Variants in L3MBTL3 observed in about 807,000 individuals in gnomAD.
L3MBTL3 encodes the protein lethal(3)malignant brain tumor-like protein 3.
A neutral mutation model predicts 102.3 loss-of-function variants in L3MBTL3; 27 were observed. That is an observed-to-expected ratio of 0.26 (90% CI 0.19 to 0.36). The LOEUF (loss-of-function observed/expected upper bound fraction) is 0.36, where lower values mean the gene tolerates loss of function less well. Among genes scored for constraint, L3MBTL3 ranks in the 10% least tolerant of loss-of-function variants. L3MBTL3 has a pLI of 1.00. For missense variants in L3MBTL3, 798 were observed against 955.3 expected (o/e 0.84, Z 2.17); for synonymous variants, 340 against 320.9 (o/e 1.06, Z -0.64).
At chr6:130,137,087 A>G (rs564537242) in intron 22 of L3MBTL3, among the ~76,000 whole-genome samples, 3 of 152,312 alleles carry the variant, frequency 2.0e-5, no homozygotes, top group Non-Finnish European at 4.4e-5. Flanking sequence ...GAGTGTTTGG[A>G]ATATAATAGA....
At chr6:130,129,272 G>A (rs1003466428) in intron 20 of L3MBTL3, among the ~76,000 whole-genome samples, 4 of 152,114 alleles carry the variant, frequency 2.6e-5, no homozygotes, top group African/African-American at 9.7e-5. Flanking sequence ...GCCTCACTGA[G>A]AAAATTTTTT....
At chr6:130,053,927 T>G (rs934666640) in intron 7 of L3MBTL3, among the ~76,000 whole-genome samples, 4 of 152,210 alleles carry the variant, frequency 2.6e-5, no homozygotes, top group African/African-American at 9.6e-5. Context: ...GACACTGCAT[T>G]CTTGTTTAGG....
chr6:130,121,578 T>G (rs975127834), intron 20 of L3MBTL3, among the ~76,000 whole-genome samples: 1 of 152,206 alleles, frequency 6.6e-6, no homozygotes, highest in African/African-American at 2.4e-5. Context: ...GTACATAAAG[T>G]TTGGTAAGAC....
At position 130,052,917 on chromosome 6, in the gene L3MBTL3, A is replaced by C; in HGVS notation, c.508A>C (p.Ser170Arg). The part of the protein sequence containing the change: ...EDNEEEDPKC[S>R]RKKKPKLSLK... ...CAATGAGGAAGAAGATCCTAAGTGTAGTCGGAAGAAAAAACCAAAATTATC... is the reference window on the plus strand; with the variant it reads ...CAATGAGGAAGAAGATCCTAAGTGTCGTCGGAAGAAAAAACCAAAATTATC... The change falls in exon 7 of 23, where the codon AGT becomes CGT. Residue 170 changes from serine (S) to arginine (R), a missense_variant. Ser to Arg is a moderately radical substitution (Grantham distance 110). Transcript: ENST00000361794. 2 of 1,614,030 alleles carry C rather than the reference A, an allele frequency of 1.2e-6. No homozygotes were observed. Among genetic ancestry groups the C allele is most frequent in the South Asian group, 2.2e-5 (2 of 91,074 alleles).
chr6:130,117,362 C>A (rs1217244990), intron 19 of L3MBTL3, among the ~76,000 whole-genome samples: 4 of 150,834 alleles, frequency 2.7e-5, no homozygotes, highest in Non-Finnish European at 5.9e-5. Context: ...TTTCTTAATC[C>A]AGTCTATCAT....
At chr6:130,094,902 A>T (rs1784271601) in intron 18 of L3MBTL3, among the ~76,000 whole-genome samples, 1 of 152,170 alleles carries the variant, frequency 6.6e-6, no homozygotes, top group Non-Finnish European at 1.5e-5. Flanking sequence ...TTGAAATGTG[A>T]TGTATTTGGT....
intron 19 of L3MBTL3, among the ~76,000 whole-genome samples, chr6:130,119,604 T>A (rs1462607973): frequency 6.6e-6 from 1 of 152,154 alleles, no homozygotes; most frequent in Non-Finnish European, 1.5e-5. Flanking sequence ...GCCATTTAAT[T>A]GATTTCTCTT....
chr6:130,091,392 G>T (rs1471815515), intron 16 of L3MBTL3, among the ~76,000 whole-genome samples: 1 of 151,868 alleles, frequency 6.6e-6, no homozygotes, highest in African/African-American at 2.4e-5. Flanking sequence ...TGGCAAAGTT[G>T]ATTTAAAAAT....
intron 9 of L3MBTL3, among the ~76,000 whole-genome samples, chr6:130,059,278 A>G (rs1043050048): frequency 6.6e-5 from 10 of 152,190 alleles, no homozygotes; most frequent in African/African-American, 2.4e-4. Context: ...TATAAGCAAT[A>G]TATATATACA....
At chr6:130,060,291 T>G (rs1781804667) in intron 10 of L3MBTL3, 151 bp downstream of exon 10, 2 of 578,978 alleles carry the variant, frequency 3.5e-6, no homozygotes, top group Non-Finnish European at 6.0e-6. Context: ...AAGAATCCTG[T>G]GCATGTTGTG....
At chr6:130,041,662 G>A (rs1034966972) in intron 2 of L3MBTL3, among the ~76,000 whole-genome samples, 1 of 152,128 alleles carries the variant, frequency 6.6e-6, no homozygotes, top group Non-Finnish European at 1.5e-5. Flanking sequence ...ATACTACTTT[G>A]CCTTTCTTTG....
At chr6:130,073,285 T>G (rs1362906446) in intron 13 of L3MBTL3, among the ~76,000 whole-genome samples, 1 of 152,076 alleles carries the variant, frequency 6.6e-6, no homozygotes, top group East Asian at 1.9e-4. Flanking sequence ...TATACATATT[T>G]TGAATGGGTG....
At chr6:130,055,918 T>C (rs1364270262) in intron 8 of L3MBTL3, among the ~76,000 whole-genome samples, 1 of 141,962 alleles carries the variant, frequency 7.0e-6, no homozygotes, top group East Asian at 2.4e-4. Flanking sequence ...CCCCTTCCCT[T>C]CCCTCCCCTC....
chr6:130,059,260 T>C (rs915936082), intron 9 of L3MBTL3, among the ~76,000 whole-genome samples: 1 of 152,226 alleles, frequency 6.6e-6, no homozygotes, highest in African/African-American at 2.4e-5. Context: ...TGGAAAATTA[T>C]ATGTTCATAT....
At chr6:130,101,721 A>G (rs1784701811) in intron 18 of L3MBTL3, among the ~76,000 whole-genome samples, 1 of 152,056 alleles carries the variant, frequency 6.6e-6, no homozygotes, top group Non-Finnish European at 1.5e-5. Context: ...CCTGCTTCCT[A>G]CCCAACCCTG....
chr6:130,110,707 T>A (rs1164550605), intron 19 of L3MBTL3, among the ~76,000 whole-genome samples: 2 of 152,242 alleles, frequency 1.3e-5, no homozygotes, highest in Non-Finnish European at 2.9e-5. Flanking sequence ...CTGATTGCCC[T>A]GGCCAGAACT....
chr6:130,087,102 G>A (rs186099942), intron 16 of L3MBTL3, among the ~76,000 whole-genome samples: 71 of 152,098 alleles, frequency 4.7e-4, no homozygotes, highest in African/African-American at 1.5e-3. Flanking sequence ...CTAAGCTGTA[G>A]GAGTCTTAAG....
chr6:130,067,355 CT>C (rs1271706639), intron 11 of L3MBTL3, among the ~76,000 whole-genome samples: 5 of 152,184 alleles, frequency 3.3e-5, no homozygotes, highest in African/African-American at 1.2e-4. Context: ...CTCAAGTGAT[CT>C]GCCCACCTTG....
At chr6:130,125,665 A>G (rs1786549638) in intron 20 of L3MBTL3, among the ~76,000 whole-genome samples, 1 of 152,188 alleles carries the variant, frequency 6.6e-6, no homozygotes, top group Non-Finnish European at 1.5e-5. Context: ...ACAGGTGCCC[A>G]CCAGTGTTCA....
Sources: gnomAD v4.1 joint callset for allele counts (sites outside exome capture counted in the v4.1 genomes callset) on GRCh38, gnomAD v4.1.1 for gene constraint, MANE v1.5 for transcripts, NCBI Gene and HGNC (gene_info 2026-07-23, HGNC 2026-07-21) for gene names.